The following ANKRD36 variants were observed in gnomAD, a reference collection of about 807,000 sequenced individuals.
ANKRD36 encodes ankyrin repeat domain-containing protein 36A.
A neutral mutation model predicts 278.1 loss-of-function variants in ANKRD36; 179 were observed. The ratio of observed to expected loss-of-function variants is 0.64; its 90% CI spans 0.57 to 0.73. The LOEUF is 0.73. Ranked by LOEUF, ANKRD36 falls within the 30% of genes least tolerant of loss-of-function variation. ANKRD36 has a pLI of 0.00. For missense variants in ANKRD36, 1,159 were observed against 1,956.7 expected, an observed-to-expected ratio of 0.59 and a Z score of 7.69; for synonymous variants, 320 against 641.1, an observed-to-expected ratio of 0.50 and a Z score of 7.57.
intron 68 of ANKRD36, among the ~76,000 whole-genome samples, chr2:97,240,437 T>TAC (rs1458375947): frequency 2.1e-5 from 3 of 141,594 alleles, no homozygotes; most frequent in African/African-American, 8.0e-5. Context: ...CTCCACTAAA[T>TAC]ACCCAAGAGG....
chr2:97,171,510 A>C (rs2052490574), intron 22 of ANKRD36, among the ~76,000 whole-genome samples: 1 of 125,904 alleles, frequency 7.9e-6, no homozygotes, highest in Non-Finnish European at 1.6e-5. Context: ...ATGAGATCAC[A>C]TGGACACAGG....
chr2:97,189,156 T>G (rs1275288723), intron 33 of ANKRD36, 41 bp downstream of exon 33: 1 of 753,736 alleles, frequency 1.3e-6, no homozygotes, highest in South Asian at 1.3e-5. Context: ...AGTAATTCTA[T>G]AGTCTATGAA....
In ANKRD36 at chr2:97,205,828, G is replaced by A. The variant is rs577218333; in HGVS notation, c.3062-112G>A. On this transcript the variant is annotated intron_variant, in intron 50 of 75. Transcript: ENST00000420699. The stretch of plus-strand genomic sequence containing the variant: ...CAGACACAAAGTAGAAGCCATCAAA[G>A]CCTATGCTAATACAGGCAGGAGGAC... 71 of 1,371,492 alleles carry A rather than the reference G, an allele frequency of 5.2e-5. 1 individual carries two copies. In the East Asian group the frequency reaches 1.5e-3, roughly 29 times the overall value. The allele number at this position is 1,371,492 out of a possible 1,614,324, so 85.0% of individuals were successfully genotyped here. A position where few individuals can be genotyped will look rare whatever the true frequency, so the allele number is the denominator to read the frequency against.
intron 6 of ANKRD36, among the ~76,000 whole-genome samples, chr2:97,129,490 T>C (rs891321585): frequency 3.3e-5 from 5 of 152,142 alleles, no homozygotes; most frequent in African/African-American, 1.2e-4. Flanking sequence ...ATCCCATTTG[T>C]CAATTTTGGC....
intron 42 of ANKRD36, 118 bp from the exon 43 acceptor site, chr2:97,198,345 A>G (rs1435807357): frequency 2.0e-6 from 3 of 1,534,590 alleles, no homozygotes; most frequent in Non-Finnish European, 2.6e-6. Flanking sequence ...AGTAGAAGCC[A>G]TCAAAGCGTA....
intron 52 of ANKRD36, 45 bp downstream of exon 52, chr2:97,206,180 TAAG>T (rs924021952): frequency 6.7e-6 from 10 of 1,484,052 alleles, no homozygotes; most frequent in Middle Eastern, 2.4e-4. Context: ...TCGAGATAGA[TAAG>T]AAGTTCTCTT....
At chr2:97,217,601 C>G (rs1399652775) in intron 64 of ANKRD36, among the ~76,000 whole-genome samples, 2 of 152,068 alleles carry the variant, frequency 1.3e-5, no homozygotes, top group Admixed American at 6.6e-5. Context: ...GTAGAAGAAC[C>G]ATTGGAAAAC....
Position 97,123,037 on chromosome 2 carries a change from T to C in ANKRD36, c.593+44T>C, listed in dbSNP as rs185041929. On this transcript the variant is annotated intron_variant, in intron 4 of 75. Transcript: ENST00000420699. ...ATTGTGTCGTTTTTAAACCTGAGTG[T>C]CATTTTAGTGTGGTAGCAGTCCCTC... 4,536 of 1,453,520 alleles carry C rather than the reference T, an allele frequency of 3.1e-3. 13 individuals are homozygous for C. Among genetic ancestry groups the C allele is most frequent in the Non-Finnish European group, 3.9e-3 (4,217 of 1,086,316 alleles). 90.0% of individuals were successfully genotyped at this position (1,453,520 alleles called of 1,614,324 possible). A position where few individuals can be genotyped will look rare whatever the true frequency, so the allele number is the denominator to read the frequency against.
chr2:97,113,980 A>T (rs775097688), intron 1 of ANKRD36, 44 bp downstream of exon 1: 18 of 1,361,918 alleles, frequency 1.3e-5, no homozygotes, highest in Non-Finnish European at 1.8e-5. Context: ...AGGCCTGTGG[A>T]TGTGGAGAAG....
At chr2:97,159,906 C>T (rs190894898) in intron 17 of ANKRD36, among the ~76,000 whole-genome samples, 7,190 of 59,614 alleles carry the variant, frequency 0.12, no homozygotes, top group African/African-American at 0.19. Context: ...CTCAGCCTCG[C>T]GAGTAGCTGG....
At chr2:97,244,114 A>T (rs2153692543) in intron 70 of ANKRD36, 85 bp downstream of exon 70, 1 of 1,472,536 alleles carries the variant, frequency 6.8e-7, no homozygotes, top group African/African-American at 1.4e-5. Flanking sequence ...TATATTATTT[A>T]GGCCTGAACA....
intron 1 of ANKRD36, among the ~76,000 whole-genome samples, chr2:97,116,271 T>G (rs2035315485): frequency 6.6e-6 from 1 of 151,990 alleles, no homozygotes; most frequent in Admixed American, 6.6e-5. Context: ...ATTATTTATG[T>G]CTTTGTTTGT....
intron 67 of ANKRD36, among the ~76,000 whole-genome samples, chr2:97,229,363 G>T (rs2071088430): frequency 6.6e-6 from 1 of 152,010 alleles, no homozygotes; most frequent in African/African-American, 2.4e-5. Context: ...AGCTCTTCTT[G>T]TTGAATTGAT....
intron 6 of ANKRD36, among the ~76,000 whole-genome samples, chr2:97,132,067 T>G (rs1171745437): frequency 6.6e-6 from 1 of 151,972 alleles, no homozygotes; most frequent in Non-Finnish European, 1.5e-5. Context: ...GACCTTGTGA[T>G]CTGCCCGCCC....
chr2:97,176,052 G>C (rs1214324652), intron 22 of ANKRD36, among the ~76,000 whole-genome samples: 3 of 151,042 alleles, frequency 2.0e-5, no homozygotes, highest in African/African-American at 7.3e-5. Context: ...CAAGTATGTG[G>C]TCAATTTTGG....
At position 97,113,811 on chromosome 2, in the gene ANKRD36, C is replaced by T. The variant is rs2034259191; in HGVS notation, c.72C>T (p.Pro24=). ...TGTGCTCGGATGGCTTCGCATTTCC[C>T]CAATACCCCATTAAACCGTATCATC... The part of the protein sequence containing the change: ...ERLCSDGFAF[P]QYPIKPYHLK... Residue 24 remains proline (P), a synonymous_variant, in exon 1 of 76, where the codon CCC becomes CCT. Coordinates refer to ENST00000420699, the MANE Select transcript of ANKRD36 (RefSeq NM_001354587.1). 10 of 1,612,910 alleles carry T rather than the reference C, an allele frequency of 6.2e-6. No individual in the cohort carries two copies. In the South Asian group the frequency reaches 1.1e-4, roughly 18 times the overall value.
chr2:97,134,798 C>T (rs2041065397), intron 6 of ANKRD36, among the ~76,000 whole-genome samples: 1 of 152,016 alleles, frequency 6.6e-6, no homozygotes, highest in Non-Finnish European at 1.5e-5. Context: ...TACTCCCTGG[C>T]AACTTGCCAT....
At chr2:97,177,246 T>C (rs944167188) in intron 22 of ANKRD36, among the ~76,000 whole-genome samples, 2 of 151,870 alleles carry the variant, frequency 1.3e-5, no homozygotes, top group Non-Finnish European at 2.9e-5. Flanking sequence ...AAAATGGCCA[T>C]ACTGCCCAAG....
chr2:97,230,239 C>T (rs11681905), intron 67 of ANKRD36, among the ~76,000 whole-genome samples: 53,755 of 149,502 alleles, frequency 0.36, 10,101 homozygotes, highest in South Asian at 0.67. Context: ...GTGTTTTCCA[C>T]CTTGGTTCCA....
Sources: allele counts gnomAD v4.1 joint callset (sites outside exome capture counted in the v4.1 genomes callset), GRCh38; gene constraint gnomAD v4.1.1; transcripts MANE v1.5; gene names NCBI Gene and HGNC (gene_info 2026-07-23, HGNC 2026-07-21).